ECH1: variants seen among roughly 807,000 people sequenced by gnomAD.
ECH1 encodes the protein enoyl-CoA hydratase 1.
A neutral mutation model predicts 37.0 loss-of-function variants in ECH1; 30 were observed. That is an observed-to-expected ratio of 0.81 (90% confidence interval 0.61 to 1.10). The LOEUF (loss-of-function observed/expected upper bound fraction) is 1.10, where lower values mean the gene tolerates loss of function less well. Among genes scored for constraint, ECH1 ranks in the 50% least tolerant of loss-of-function variants. The pLI is 0.00. For missense variants in ECH1, 456 were observed against 441.6 expected, an observed-to-expected ratio of 1.03 and a Z score of -0.29; for synonymous variants, 178 against 176.0, an observed-to-expected ratio of 1.01 and a Z score of -0.09.
chr19:38,818,315 A>G, intron 3 of ECH1: 1 of 985,270 alleles, frequency 1.0e-6, no homozygotes, highest in Non-Finnish European at 1.2e-6. Flanking sequence ...ACGATGCAGC[A>G]ATTTCTGTGG....
At chr19:38,829,224 G>A (rs1485177268) in intron 3 of ECH1, among the ~76,000 whole-genome samples, 1 of 145,816 alleles carries the variant, frequency 6.9e-6, no homozygotes, top group Admixed American at 7.1e-5. Flanking sequence ...GGTGGAGGTT[G>A]CAGTGAGCCC....
chr19:38,817,598 C>A lies in ECH1; in HGVS notation c.350-23G>T, dbSNP rs1415967839. On this transcript the variant is annotated intron_variant, in intron 3 of 9. Transcript: ENST00000221418. ...TACCTGGTGAGAAGGCATGATGGAG[C>A]TCATCCAGGCTCCCAGGCCCCACCC... 4 of 1,569,660 alleles carry A rather than the reference C, an allele frequency of 2.5e-6. No homozygotes were observed. The African/African-American group carries it at 5.4e-5, about 21-fold the overall frequency.
At chr19:38,831,604 C>T in intron 1 of ECH1, 88 bp from the exon 2 acceptor site, 1 of 1,553,154 alleles carries the variant, frequency 6.4e-7, no homozygotes. Flanking sequence ...GGAGCACACG[C>T]ACCCCTGAAT....
chr19:38,818,930 T>TGTGTGTGTGC (rs1555721666), intron 3 of ECH1, among the ~76,000 whole-genome samples: 2 of 108,928 alleles, frequency 1.8e-5, no homozygotes, highest in East Asian at 1.1e-3. Flanking sequence ...TGTGTGTGTG[T>TGTGTGTGTGC]GTGCACTGTT....
chr19:38,817,412 G>A lies in ECH1; in HGVS notation c.474+39C>T, dbSNP rs146359572. 2.2e-4 allele frequency: 349 copies of A among 1,610,304 alleles called. No homozygotes were observed. The South Asian group carries it at 2.4e-3, about 11-fold the overall frequency. On this transcript the variant is annotated intron_variant, in intron 4 of 9. Transcript: ENST00000221418. ...GGGTCAGGGCTGGCCCAGGGGAGGCGCGTATGGAGAAAGATCCCCTCCAGA... is the reference window on the plus strand; with the variant it reads ...GGGTCAGGGCTGGCCCAGGGGAGGCACGTATGGAGAAAGATCCCCTCCAGA...
chr19:38,827,113 AGGGAGGGAG>A (rs1971750829), intron 3 of ECH1, among the ~76,000 whole-genome samples: 2 of 54,688 alleles, frequency 3.7e-5, no homozygotes, highest in South Asian at 1.4e-3. Flanking sequence ...AAGGGAGGAG[AGGGAGGGAG>A]GGGAGGGAGA....
At chr19:38,816,933 T>A (rs1329497421) in intron 6 of ECH1, 132 bp downstream of exon 6, 5 of 1,060,394 alleles carry the variant, frequency 4.7e-6, no homozygotes, top group Non-Finnish European at 6.9e-6. Flanking sequence ...ACCTCTTGAC[T>A]TCCTCTATGG....
At chr19:38,821,337 G>T (rs1971658619) in intron 3 of ECH1, among the ~76,000 whole-genome samples, 2 of 152,066 alleles carry the variant, frequency 1.3e-5, no homozygotes, top group Non-Finnish European at 2.9e-5. Context: ...AGAGAAGGAA[G>T]TGAGAGGTGA....
chr19:38,818,006 C>T (rs566719004), intron 3 of ECH1, among the ~76,000 whole-genome samples: 6 of 152,256 alleles, frequency 3.9e-5, no homozygotes, highest in African/African-American at 1.4e-4. Context: ...ACTGCAGCCT[C>T]GAACTCCCAG....
At chr19:38,824,663 T>C (rs1309009471) in intron 3 of ECH1, among the ~76,000 whole-genome samples, 1 of 152,080 alleles carries the variant, frequency 6.6e-6, no homozygotes, top group Non-Finnish European at 1.5e-5. Context: ...GGAAGGCAAA[T>C]GGAGTGAAAT....
At chr19:38,823,753 CATCTATCCT>C (rs1971699090) in intron 3 of ECH1, among the ~76,000 whole-genome samples, 1 of 152,230 alleles carries the variant, frequency 6.6e-6, no homozygotes, top group Non-Finnish European at 1.5e-5. Context: ...GAGACTCGCC[CATCTATCCT>C]ATCTATCCTG....
intron 3 of ECH1, among the ~76,000 whole-genome samples, chr19:38,829,893 G>A (rs957035925): frequency 3.3e-5 from 5 of 152,050 alleles, no homozygotes; most frequent in Admixed American, 2.0e-4. Flanking sequence ...GGTGGCTCAC[G>A]CCTATCATCC....
In ECH1 at chr19:38,815,730, G is replaced by A; in HGVS notation, c.883-13C>T. On this transcript the variant is annotated splice_polypyrimidine_tract_variant and intron_variant, in intron 9 of 9. Transcript: ENST00000221418. ...TGTTCCAGGACGCCTGGTACCGAGGGTGTTGAGAGAGAACGAGGAGAGAGA... is the reference window on the plus strand; with the variant it reads ...TGTTCCAGGACGCCTGGTACCGAGGATGTTGAGAGAGAACGAGGAGAGAGA... 3 of 1,614,132 alleles carry A rather than the reference G, an allele frequency of 1.9e-6. No homozygotes were observed. The highest frequency in any genetic ancestry group is 2.5e-6 in the Non-Finnish European group (3 of 1,180,012).
chr19:38,818,901 C>CTGTG (rs761871749), intron 3 of ECH1, among the ~76,000 whole-genome samples: 16,192 of 133,424 alleles, frequency 0.12, 1,214 homozygotes, highest in Admixed American at 0.17. Context: ...GCCTCCAACT[C>CTGTG]TGTGTGTGTG....
At chr19:38,818,685 G>A (rs1436524334) in intron 3 of ECH1, among the ~76,000 whole-genome samples, 2 of 151,898 alleles carry the variant, frequency 1.3e-5, no homozygotes, top group African/African-American at 4.8e-5. Context: ...ACGGGGTTTT[G>A]CCATGTTGGC....
chr19:38,816,737 T>C (rs1373897471), intron 6 of ECH1, among the ~76,000 whole-genome samples: 2 of 151,964 alleles, frequency 1.3e-5, no homozygotes, highest in South Asian at 2.1e-4. Context: ...TCATGCACCC[T>C]CCCATTCCCT....
Position 38,831,098 on chromosome 19 carries a change from GCACCAGAGAT to G in ECH1, c.319_328del (p.Ile107GlnfsTer11), listed in dbSNP as rs1971813353. On this transcript the variant is annotated frameshift_variant, in exon 3 of 10. Coordinates refer to ENST00000221418, the MANE Select transcript of ECH1 (RefSeq NM_001398.3). LOFTEE classifies it high-confidence loss of function. ...GGTACCTGCAGTGAACATTTTTCCTGCACCAGAGATCACCACCGCCCGACAGTCAGCGTCT... is the reference window on the plus strand; with the variant it reads ...GGTACCTGCAGTGAACATTTTTCCTGCACCACCGCCCGACAGTCAGCGTCT... The G allele has an allele frequency of 1.2e-6, 2 of 1,613,948 alleles. No individual in the cohort carries two copies. Among genetic ancestry groups the G allele is most frequent in the Admixed American group, 1.7e-5 (1 of 59,988 alleles).
At position 38,815,840 on chromosome 19, in the gene ECH1, C is replaced by A; in HGVS notation, c.882+17G>T. 6.2e-7 allele frequency: 1 copy of A among 1,613,982 alleles called. No individual in the cohort carries two copies. Among genetic ancestry groups the A allele is most frequent in the South Asian group, 1.1e-5 (1 of 91,058 alleles). On this transcript the variant is annotated intron_variant, in intron 9 of 9. Transcript: ENST00000221418. Reference sequence around the variant, plus strand: ...GGGTTAGAGGAGGGCTGTGATTGGTCGGAGCGTGCACCTTACCACGTAGTT... The same window carrying A: ...GGGTTAGAGGAGGGCTGTGATTGGTAGGAGCGTGCACCTTACCACGTAGTT...
intron 3 of ECH1, 120 bp downstream of exon 3, chr19:38,830,954 CAAAA>C (rs574213368): frequency 1.3e-3 from 923 of 692,374 alleles, no homozygotes; most frequent in Middle Eastern, 2.1e-3. Context: ...GACCCCGTCT[CAAAA>C]AAAAAAAAAA....
Sources: gnomAD v4.1 joint callset for allele counts (sites outside exome capture counted in the v4.1 genomes callset) on GRCh38, gnomAD v4.1.1 for gene constraint, MANE v1.5 for transcripts, NCBI Gene and HGNC (gene_info 2026-07-23, HGNC 2026-07-21) for gene names.